Variants in MINDY2 observed in about 807,000 individuals in gnomAD.
MINDY2 encodes the protein MINDY lysine 48 deubiquitinase 2.
MINDY2 carries 52 observed loss-of-function variants against 68.2 expected under a neutral mutation model. The observed-to-expected ratio is 0.76, with a 90% CI of 0.61 to 0.96. The LOEUF is 0.96. MINDY2 is among the 40% of genes least tolerant of loss of function. MINDY2 has a pLI of 0.00. For missense variants in MINDY2, 881 were observed against 773.4 expected (o/e 1.14, Z -1.65); for synonymous variants, 372 against 303.0 (o/e 1.23, Z -2.36).
intron 4 of MINDY2, among the ~76,000 whole-genome samples, chr15:58,817,100 A>T (rs1329586949): frequency 1.3e-5 from 2 of 152,252 alleles, no homozygotes; most frequent in African/African-American, 2.4e-5. Flanking sequence ...AACTGTAAGG[A>T]AACATTAGTA....
At chr15:58,827,880 G>A (rs1241073808) in intron 5 of MINDY2, among the ~76,000 whole-genome samples, 1 of 152,054 alleles carries the variant, frequency 6.6e-6, no homozygotes, top group Non-Finnish European at 1.5e-5. Flanking sequence ...CTTTACTTAA[G>A]CACTTATTTT....
chr15:58,783,000 G>T (rs768950737), intron 1 of MINDY2, among the ~76,000 whole-genome samples: 7 of 123,912 alleles, frequency 5.6e-5, no homozygotes, highest in Non-Finnish European at 1.1e-4. Context: ...ACTCACTGCA[G>T]CCTTTGTCTT....
intron 4 of MINDY2, among the ~76,000 whole-genome samples, chr15:58,819,546 C>G (rs1490616070): frequency 7.9e-5 from 12 of 152,084 alleles, no homozygotes; most frequent in African/African-American, 2.9e-4. Context: ...AGGAGTTTTG[C>G]TGTGTTACTC....
chr15:58,797,501 C>T (rs1288867517), intron 2 of MINDY2, among the ~76,000 whole-genome samples: 1 of 152,102 alleles, frequency 6.6e-6, no homozygotes, highest in African/African-American at 2.4e-5. Context: ...AAGTGAGACC[C>T]TATCTCAAAC....
chr15:58,850,100 G>C (rs1473590942), intron 7 of MINDY2, among the ~76,000 whole-genome samples: 1 of 152,166 alleles, frequency 6.6e-6, no homozygotes, highest in Non-Finnish European at 1.5e-5. Context: ...GAGGGTAGAT[G>C]GGGGAGGAGG....
Position 58,854,798 on chromosome 15 carries a change from G to A in MINDY2, c.*188G>A, listed in dbSNP as rs1188222934. The A allele has an allele frequency of 4.3e-6, 2 of 468,078 alleles. No individual in the cohort carries two copies. Among genetic ancestry groups the A allele is most frequent in the Non-Finnish European group, 7.2e-6 (2 of 278,088 alleles). The allele number at this position is 468,078 out of a possible 1,614,324, so 29.0% of individuals were successfully genotyped here. Reference sequence around the variant, plus strand: ...AAGTCACACAATACACTCTTTATGAGCTGGAGTTTCATGTTACAAGTTGGA... The same window carrying A: ...AAGTCACACAATACACTCTTTATGAACTGGAGTTTCATGTTACAAGTTGGA... On this transcript the variant is annotated 3_prime_UTR_variant, in exon 9 of 9. Transcript: ENST00000559228.
intron 1 of MINDY2, among the ~76,000 whole-genome samples, chr15:58,787,660 C>T (rs896522763): frequency 2.7e-5 from 4 of 149,416 alleles, no homozygotes; most frequent in Admixed American, 1.4e-4. Flanking sequence ...TGGCCTGAAC[C>T]GGAGAGGCGC....
chr15:58,827,500 G>A (rs1298680588), intron 5 of MINDY2, among the ~76,000 whole-genome samples: 2 of 152,044 alleles, frequency 1.3e-5, no homozygotes, highest in Admixed American at 6.5e-5. Flanking sequence ...GTCTTGTTGT[G>A]TCATCCAGGC....
intron 1 of MINDY2, among the ~76,000 whole-genome samples, chr15:58,786,412 G>T (rs989395506): frequency 3.9e-5 from 6 of 152,076 alleles, no homozygotes; most frequent in African/African-American, 1.4e-4. Flanking sequence ...ATATATCCTG[G>T]AATGTGCTCG....
Position 58,854,684 on chromosome 15 carries a change from G to C in MINDY2, c.*74G>C. Reference sequence around the variant, plus strand: ...CCACAGGAGGAAAGGAAGAAAAACCGATCAATACCGTCTGTGCCTGATTTC... The same window carrying C: ...CCACAGGAGGAAAGGAAGAAAAACCCATCAATACCGTCTGTGCCTGATTTC... On this transcript the variant is annotated 3_prime_UTR_variant, in exon 9 of 9. Transcript: ENST00000559228. 6.7e-7 allele frequency: 1 copy of C among 1,490,480 alleles called. No individual in the cohort carries two copies. The highest frequency in any genetic ancestry group is 9.0e-7 in the Non-Finnish European group (1 of 1,116,494). The allele number at this position is 1,490,480 out of a possible 1,614,324, so 92.3% of individuals were successfully genotyped here.
chr15:58,794,396 T>TGTGTGTGTGTGTGTGTG (rs1567045810), intron 2 of MINDY2, among the ~76,000 whole-genome samples: 1 of 147,792 alleles, frequency 6.8e-6, no homozygotes, highest in African/African-American at 2.5e-5. Flanking sequence ...TGTGTGTGTG[T>TGTGTGTGTGTGTGTGTG]TTTAAGAATA....
At chr15:58,773,508 T>TG (rs1900574977) in intron 1 of MINDY2, among the ~76,000 whole-genome samples, 2 of 152,166 alleles carry the variant, frequency 1.3e-5, no homozygotes, top group Non-Finnish European at 2.9e-5. Context: ...CTGTTTGAGG[T>TG]GGCATCATTA....
At chr15:58,834,563 C>G (rs2031902489) in intron 6 of MINDY2, among the ~76,000 whole-genome samples, 1 of 152,138 alleles carries the variant, frequency 6.6e-6, no homozygotes, top group African/African-American at 2.4e-5. Flanking sequence ...ATTTTGAGTG[C>G]TTTTCAGGTT....
intron 1 of MINDY2, among the ~76,000 whole-genome samples, chr15:58,776,062 G>A (rs1326558601): frequency 6.6e-6 from 1 of 152,058 alleles, no homozygotes; most frequent in Non-Finnish European, 1.5e-5. Flanking sequence ...GTTTCACCAT[G>A]TTAGCCTGGC....
intron 5 of MINDY2, among the ~76,000 whole-genome samples, chr15:58,827,026 T>C (rs1367688543): frequency 4.6e-5 from 7 of 152,218 alleles, no homozygotes; most frequent in Non-Finnish European, 1.0e-4. Context: ...TTTGGATTCA[T>C]CTGATTATTT....
intron 3 of MINDY2, among the ~76,000 whole-genome samples, chr15:58,807,280 T>G: frequency 6.6e-6 from 1 of 152,150 alleles, no homozygotes; most frequent in East Asian, 1.9e-4. Flanking sequence ...TTCTTTATTC[T>G]TTCAAATGTA....
At chr15:58,846,092 TAAAA>T (rs34161206) in intron 6 of MINDY2, among the ~76,000 whole-genome samples, 39 of 136,264 alleles carry the variant, frequency 2.9e-4, no homozygotes, top group African/African-American at 4.1e-4. Context: ...TAATGGATGT[TAAAA>T]AAAAAAAAAA....
intron 3 of MINDY2, among the ~76,000 whole-genome samples, chr15:58,808,615 GT>G (rs1236812962): frequency 2.0e-5 from 3 of 151,582 alleles, no homozygotes; most frequent in Non-Finnish European, 4.4e-5. Context: ...TTTTGTTTTT[GT>G]TTTTTTGAGA....
rs1567079858 is a variant in MINDY2, at chr15:58,852,972, A to ATTTT, written c.1737+1007_1737+1008insTTTT. 5.8e-4 allele frequency among the ~76,000 whole-genome samples: 10 copies of ATTTT among 17,272 alleles called. 5 individuals are homozygous for ATTTT. Among genetic ancestry groups the ATTTT allele is most frequent in the Admixed American group, 1.9e-3 (2 of 1,030 alleles). The allele number at this position is 17,272 out of a possible 152,430, so 11.3% of individuals were successfully genotyped here. A position where few individuals can be genotyped will look rare whatever the true frequency, so the allele number is the denominator to read the frequency against. The stretch of plus-strand genomic sequence containing the variant: ...TTTTTTTTTTTTTTTTTTTTTTTTA[A>ATTTT]GACAGAGTCTCACTCTGTTGCCCAG... On this transcript the variant is annotated intron_variant, in intron 8 of 8. Coordinates refer to ENST00000559228, the MANE Select transcript of MINDY2 (RefSeq NM_001040450.3).
Sources: allele counts gnomAD v4.1 joint callset (sites outside exome capture counted in the v4.1 genomes callset), GRCh38; gene constraint gnomAD v4.1.1; transcripts MANE v1.5; gene names NCBI Gene and HGNC (gene_info 2026-07-23, HGNC 2026-07-21).